SULT1A2: variants seen among roughly 807,000 people sequenced by gnomAD.
SULT1A2 encodes the protein sulfotransferase 1A2.
Under a neutral mutation model 36.0 loss-of-function variants are expected in SULT1A2, and 33 were observed. The observed-to-expected ratio is 0.92, with a 90% CI of 0.69 to 1.22. The LOEUF is 1.22. Among genes scored for constraint, SULT1A2 ranks in the 50% most tolerant of loss-of-function variants. The pLI is 0.00. For synonymous variants in SULT1A2, 138 were observed against 144.5 expected, an observed-to-expected ratio of 0.96 and a Z score of 0.32; for missense variants, 367 against 383.2, an observed-to-expected ratio of 0.96 and a Z score of 0.35.
chr16:28,594,106 TTG>T (rs1491110409), intron 4 of SULT1A2, among the ~76,000 whole-genome samples: 111 of 132,002 alleles, frequency 8.4e-4, no homozygotes, highest in African/African-American at 1.1e-3. Context: ...TTTTTTTTTT[TTG>T]GGGGGGGGGA....
At chr16:28,593,156 G>A in intron 6 of SULT1A2, 96 bp downstream of exon 6, 2 of 1,561,400 alleles carry the variant, frequency 1.3e-6, no homozygotes, top group Non-Finnish European at 1.7e-6. Flanking sequence ...TGCTGGAGGG[G>A]CCGCCCAGGG....
intron 4 of SULT1A2, 150 bp from the exon 5 acceptor site, chr16:28,593,718 G>T: frequency 6.8e-7 from 1 of 1,462,258 alleles, no homozygotes. Context: ...GTCAGGATCT[G>T]AACCCTGCTC....
In SULT1A2 at chr16:28,595,790, G is replaced by A. The variant is rs890216435; in HGVS notation, c.141C>T (p.Pro47=). ...RPDDLLISTY[P]KSGTTWVSQI... is the part of the protein sequence containing the mutation. ...GTGGCCCTCCTCACCTACCGGACTT[G>A]GGGTAGGTGCTGATGAGCAGGTCAT... The change falls in exon 2 of 8, where the codon CCC becomes CCT. Residue 47 remains proline (P), a synonymous_variant. Transcript: ENST00000335715. 6.2e-7 allele frequency: 1 copy of A among 1,612,684 alleles called. No homozygotes were observed. The highest frequency in any genetic ancestry group is 1.3e-5 in the African/African-American group (1 of 74,886).
At chr16:28,593,700 A>G in intron 4 of SULT1A2, 132 bp from the exon 5 acceptor site, 1 of 1,523,582 alleles carries the variant, frequency 6.6e-7, no homozygotes, top group Non-Finnish European at 8.8e-7. Flanking sequence ...CGGCACAGGT[A>G]GGGCCAAGTC....
chr16:28,593,140 C>T (rs2151660084), intron 6 of SULT1A2, 112 bp downstream of exon 6: 8 of 1,488,888 alleles, frequency 5.4e-6, no homozygotes, highest in Admixed American at 3.9e-5. Flanking sequence ...ATGGGGAATC[C>T]GGGCCTGCTG....
Position 28,595,345 on chromosome 16 carries a change from G to A in SULT1A2, c.372+22C>T, listed in dbSNP as rs768349724. On this transcript the variant is annotated intron_variant, in intron 4 of 7. Transcript: ENST00000335715. ...CCCAAAGTACTGAGATTGCGGGTGT[G>A]AACCACTGTGCCCAGTCTCACCTTG... The A allele has an allele frequency of 2.5e-6, 4 of 1,613,288 alleles. No homozygotes were observed. In the Admixed American group the frequency reaches 6.7e-5, roughly 27 times the overall value.
At position 28,594,276 on chromosome 16, in the gene SULT1A2, G is replaced by T. The variant is rs528137942; in HGVS notation, c.373-708C>A. ...CAACCTTAGACTTTTGAGTAGCTGG[G>T]ACTATAGCGCTATGCCACCATGCCC... On this transcript the variant is annotated intron_variant, in intron 4 of 7. Coordinates refer to ENST00000335715, the MANE Select transcript of SULT1A2 (RefSeq NM_001054.4). Among the ~76,000 whole-genome samples the T allele has an allele frequency of 2.0e-5, 3 of 152,070 alleles. No individual in the cohort carries two copies. The South Asian group carries it at 6.2e-4, about 32-fold the overall frequency.
chr16:28,595,432 G>C lies in SULT1A2; in HGVS notation c.307C>G (p.Arg103Gly), dbSNP rs559346977. Residue 103 changes from arginine to glycine, a missense_variant, in exon 4 of 8, where the codon CGA (arginine) becomes GGA (glycine). Coordinates refer to ENST00000335715, the MANE Select transcript of SULT1A2 (RefSeq NM_001054.4). ...AGGGGCAGGTGTGTCTTCAGGAGTCGTGGGGCTGGTGTGTTTTTCAGAGTC... is the reference window on the plus strand; with the variant it reads ...AGGGGCAGGTGTGTCTTCAGGAGTCCTGGGGCTGGTGTGTTTTTCAGAGTC... Reference protein sequence around the residue: ...METLKNTPAPRLLKTHLPLAL... With the variant: ...METLKNTPAPGLLKTHLPLAL... 9 of 1,614,024 alleles carry C rather than the reference G, an allele frequency of 5.6e-6. No individual in the cohort carries two copies. The highest frequency in any genetic ancestry group is 1.3e-5 in the African/African-American group (1 of 75,000).
At position 28,595,443 on chromosome 16, in the gene SULT1A2, G is replaced by A. The variant is rs530005107; in HGVS notation, c.296C>T (p.Thr99Ile). The part of the protein sequence containing the change: ...IPSGMETLKN[T>I]PAPRLLKTHL... ...TGTCTTCAGGAGTCGTGGGGCTGGT[G>A]TGTTTTTCAGAGTCTCCATCCCTGA... The change falls in exon 4 of 8, where the codon ACA (threonine) becomes ATA (isoleucine). Residue 99 changes from threonine to isoleucine, a missense_variant. Transcript: ENST00000335715. 21 of 1,613,980 alleles carry A rather than the reference G, an allele frequency of 1.3e-5. No individual in the cohort carries two copies. The highest frequency in any genetic ancestry group is 1.7e-5 in the Non-Finnish European group (20 of 1,180,012).
rs151221100 is a variant in SULT1A2, at chr16:28,593,473, T to G, written c.468A>C (p.Glu156Asp). Residue 156 changes from glutamate to aspartate, a missense_variant, in exon 5 of 8, where the codon GAA becomes GAC. By Grantham distance (45) the Glu-to-Asp change is conservative. Coordinates refer to ENST00000335715, the MANE Select transcript of SULT1A2 (RefSeq NM_001054.4). ...CAGCCATGAACTTCTCCAGGAAGCT[T>G]TCCCAGGTCCCAGGGTGAGGGTACA... ...AKVYPHPGTW[E>D]SFLEKFMAGE... 5.1e-5 allele frequency: 82 copies of G among 1,614,108 alleles called. No homozygotes were observed. The African/African-American group carries it at 5.2e-4, about 10-fold the overall frequency.
chr16:28,592,992 C>T (rs2047012437), intron 6 of SULT1A2, among the ~76,000 whole-genome samples: 1 of 152,118 alleles, frequency 6.6e-6, no homozygotes, highest in Non-Finnish European at 1.5e-5. Flanking sequence ...TCCTGGACAA[C>T]AGAGCAAGAC....
chr16:28,592,351 G>A lies in SULT1A2; in HGVS notation c.687C>T (p.Phe229=), dbSNP rs1596611581. 1.2e-6 allele frequency: 2 copies of A among 1,613,952 alleles called. No individual in the cohort carries two copies. Among genetic ancestry groups the A allele is most frequent in the Admixed American group, 3.3e-5 (2 of 60,008 alleles). ...TVDLMVEHTS[F]KEMKKNPMTN... ...TCATAGGGTTCTTCTTCATCTCCTTGAACGACGTGTGCTCAACCATGAGGT... is the reference window on the plus strand; with the variant it reads ...TCATAGGGTTCTTCTTCATCTCCTTAAACGACGTGTGCTCAACCATGAGGT... The change falls in exon 7 of 8, where the codon TTC becomes TTT. Residue 229 remains phenylalanine (F), a synonymous_variant. Transcript: ENST00000335715.
intron 6 of SULT1A2, among the ~76,000 whole-genome samples, chr16:28,592,846 A>T (rs902082632): frequency 6.6e-6 from 1 of 152,144 alleles, no homozygotes; most frequent in African/African-American, 2.4e-5. Context: ...CCTGGCCAAC[A>T]TGGCACAACA....
rs111978347 is a variant in SULT1A2 at position 28,595,439 on chromosome 16, T to C, written c.300A>G (p.Pro100=). Residue 100 remains proline, a synonymous_variant, in exon 4 of 8, where the codon CCA becomes CCG. Coordinates refer to ENST00000335715, the MANE Select transcript of SULT1A2 (RefSeq NM_001054.4). ...GGTGTGTCTTCAGGAGTCGTGGGGCTGGTGTGTTTTTCAGAGTCTCCATCC... is the reference window on the plus strand; with the variant it reads ...GGTGTGTCTTCAGGAGTCGTGGGGCCGGTGTGTTTTTCAGAGTCTCCATCC... ...PSGMETLKNT[P]APRLLKTHLP... 1.7e-3 allele frequency: 2,822 copies of C among 1,613,920 alleles called. 48 individuals are homozygous for C. In the African/African-American group the frequency reaches 0.033, roughly 19 times the overall value.
intron 1 of SULT1A2, chr16:28,596,344 A>G: frequency 1.8e-6 from 2 of 1,138,770 alleles, no homozygotes; most frequent in Non-Finnish European, 2.2e-6. Context: ...TGGGACCCCC[A>G]GCCTCCACCC....
At chr16:28,594,020 G>T (rs1253776299) in intron 4 of SULT1A2, among the ~76,000 whole-genome samples, 2 of 151,784 alleles carry the variant, frequency 1.3e-5, no homozygotes, top group Non-Finnish European at 2.9e-5. Flanking sequence ...CCAAAGCTGG[G>T]CTGAGCCGGG....
intron 1 of SULT1A2, chr16:28,596,429 AG>A (rs2047060887): frequency 2.2e-6 from 2 of 912,746 alleles, no homozygotes; most frequent in Admixed American, 9.4e-5. Flanking sequence ...TAGGCTGGCC[AG>A]GCCTGTGATC....
intron 1 of SULT1A2, chr16:28,596,740 G>A (rs1567297823): frequency 3.8e-6 from 1 of 261,698 alleles, no homozygotes; most frequent in Non-Finnish European, 7.5e-6. Context: ...TACTGAGGCA[G>A]GAGAATCACT....
rs1349123199 is a variant in SULT1A2, at chr16:28,595,348, C to G, written c.372+19G>C. On this transcript the variant is annotated intron_variant, in intron 4 of 7. Coordinates refer to ENST00000335715, the MANE Select transcript of SULT1A2 (RefSeq NM_001054.4). Reference sequence around the variant, plus strand: ...AAAGTACTGAGATTGCGGGTGTGAACCACTGTGCCCAGTCTCACCTTGACC... The same window carrying G: ...AAAGTACTGAGATTGCGGGTGTGAAGCACTGTGCCCAGTCTCACCTTGACC... 1.9e-6 allele frequency: 3 copies of G among 1,613,470 alleles called. No homozygotes were observed. The highest frequency in any genetic ancestry group is 2.7e-5 in the African/African-American group (2 of 74,876).
Sources: gnomAD v4.1 joint callset for allele counts (sites outside exome capture counted in the v4.1 genomes callset) on GRCh38, gnomAD v4.1.1 for gene constraint, MANE v1.5 for transcripts, NCBI Gene and HGNC (gene_info 2026-07-23, HGNC 2026-07-21) for gene names.